Variants in PRKCA observed in about 807,000 individuals in gnomAD.
PRKCA encodes the protein protein kinase C alpha type.
Under a neutral mutation model 87.0 loss-of-function variants are expected in PRKCA, and 27 were observed. That is an observed-to-expected ratio of 0.31 (90% CI 0.23 to 0.43). The LOEUF (loss-of-function observed/expected upper bound fraction) is 0.43, where lower values mean the gene tolerates loss of function less well. Ranked by LOEUF, PRKCA falls within the 20% of genes least tolerant of loss-of-function variation. The pLI is 1.00. For missense variants in PRKCA, 518 were observed against 852.3 expected (o/e 0.61, Z 4.88); for synonymous variants, 329 against 311.1 (o/e 1.06, Z -0.61).
chr17:66,780,900 G>T lies in PRKCA; in HGVS notation c.1606-5967G>T, dbSNP rs1975191819. 2.0e-5 allele frequency among the ~76,000 whole-genome samples: 3 copies of T among 151,670 alleles called. No homozygotes were observed. In the South Asian group the frequency reaches 6.3e-4, roughly 32 times the overall value. On this transcript the variant is annotated intron_variant, in intron 14 of 16. Coordinates refer to ENST00000413366, the MANE Select transcript of PRKCA (RefSeq NM_002737.3). ...AGGCGGGCAGATCACTTGAGGTCAG[G>T]AGTTCAAGACCAGCCTGGTCAACAT...
intron 2 of PRKCA, among the ~76,000 whole-genome samples, chr17:66,406,111 C>T (rs954847324): frequency 6.6e-6 from 1 of 152,130 alleles, no homozygotes; most frequent in Non-Finnish European, 1.5e-5. Context: ...AGAATGATTG[C>T]CAGTTTCCAA....
chr17:66,399,225 A>G (rs1234424160), intron 2 of PRKCA, among the ~76,000 whole-genome samples: 1 of 151,362 alleles, frequency 6.6e-6, no homozygotes, highest in Admixed American at 6.6e-5. Context: ...CAGCCTTCCA[A>G]GTAGTGGGAC....
intron 2 of PRKCA, among the ~76,000 whole-genome samples, chr17:66,488,513 C>A (rs1325964516): frequency 6.6e-6 from 1 of 152,182 alleles, no homozygotes; most frequent in Non-Finnish European, 1.5e-5. Flanking sequence ...TGGGGCCGTT[C>A]TTGACTCGCC....
At chr17:66,402,662 C>T (rs1256756975) in intron 2 of PRKCA, among the ~76,000 whole-genome samples, 1 of 152,056 alleles carries the variant, frequency 6.6e-6, no homozygotes, top group African/African-American at 2.4e-5. Context: ...CTCTGGGTGA[C>T]ACCAGCAATA....
intron 3 of PRKCA, among the ~76,000 whole-genome samples, chr17:66,503,281 G>A (rs1196476201): frequency 6.6e-6 from 1 of 152,122 alleles, no homozygotes; most frequent in African/African-American, 2.4e-5. Context: ...TATTTTGCAC[G>A]TTTTATGTTT....
intron 3 of PRKCA, among the ~76,000 whole-genome samples, chr17:66,545,167 G>A (rs1195096325): frequency 4.6e-5 from 7 of 152,168 alleles, no homozygotes; most frequent in East Asian, 1.9e-4. Flanking sequence ...AGTGAATCAC[G>A]CCTGTAATCC....
intron 3 of PRKCA, among the ~76,000 whole-genome samples, chr17:66,596,374 C>T (rs911324281): frequency 1.3e-5 from 2 of 151,916 alleles, no homozygotes; most frequent in Non-Finnish European, 2.9e-5. Flanking sequence ...TTTTCCTTTG[C>T]CCCCCTGCCT....
At chr17:66,498,131 CT>C (rs1203287361) in intron 3 of PRKCA, among the ~76,000 whole-genome samples, 5 of 152,068 alleles carry the variant, frequency 3.3e-5, no homozygotes, top group African/African-American at 1.2e-4. Flanking sequence ...GCCCTCCCCC[CT>C]GCTCCCCGCC....
intron 4 of PRKCA, among the ~76,000 whole-genome samples, chr17:66,643,294 C>T (rs1341642722): frequency 6.6e-6 from 1 of 152,136 alleles, no homozygotes. Context: ...CCGTTAGACA[C>T]GGTTCCTGTT....
intron 3 of PRKCA, among the ~76,000 whole-genome samples, chr17:66,501,943 T>C (rs1050264201): frequency 9.9e-5 from 15 of 152,144 alleles, no homozygotes; most frequent in Admixed American, 3.3e-4. Context: ...CTGGCCATGA[T>C]GGGGTGGGGC....
At chr17:66,715,225 T>C (rs1973444383) in intron 8 of PRKCA, among the ~76,000 whole-genome samples, 1 of 152,044 alleles carries the variant, frequency 6.6e-6, no homozygotes, top group African/African-American at 2.4e-5. Context: ...GGAACCTTCT[T>C]CCTTGGGGAA....
chr17:66,504,687 G>A (rs1450447453), intron 3 of PRKCA, among the ~76,000 whole-genome samples: 1 of 152,190 alleles, frequency 6.6e-6, no homozygotes, highest in African/African-American at 2.4e-5. Context: ...GAGCCAGCCT[G>A]CATCTAATGG....
At chr17:66,693,112 A>G (rs185911055) in intron 8 of PRKCA, among the ~76,000 whole-genome samples, 88 of 152,342 alleles carry the variant, frequency 5.8e-4, no homozygotes, top group African/African-American at 2.0e-3. Context: ...AGTTTTTGCA[A>G]TTTAAATGGT....
intron 2 of PRKCA, among the ~76,000 whole-genome samples, chr17:66,311,148 A>G (rs1346659589): frequency 1.3e-5 from 2 of 152,170 alleles, no homozygotes; most frequent in Non-Finnish European, 2.9e-5. Context: ...TTAATTAGAG[A>G]TAAACTCTTG....
At chr17:66,546,064 T>C (rs1968136564) in intron 3 of PRKCA, among the ~76,000 whole-genome samples, 1 of 152,260 alleles carries the variant, frequency 6.6e-6, no homozygotes, top group South Asian at 2.1e-4. Flanking sequence ...GAGTTTCATA[T>C]AGACAGTATC....
chr17:66,747,204 G>A (rs965252997), intron 13 of PRKCA, among the ~76,000 whole-genome samples: 2 of 152,054 alleles, frequency 1.3e-5, no homozygotes, highest in Admixed American at 6.5e-5. Flanking sequence ...TGGGTAACTG[G>A]GACTACAGGC....
chr17:66,691,023 TACGAGAATCACTTGAACCTGGGC>T (rs1332215218), intron 8 of PRKCA, among the ~76,000 whole-genome samples: 10 of 150,670 alleles, frequency 6.6e-5, no homozygotes, highest in Admixed American at 3.3e-4. Context: ...TAATCCTAGC[TACGAGAATCACTTGAACCTGGGC>T]ACGAGAATCA....
intron 5 of PRKCA, among the ~76,000 whole-genome samples, chr17:66,648,479 A>G: frequency 6.6e-6 from 1 of 152,228 alleles, no homozygotes; most frequent in East Asian, 1.9e-4. Context: ...ACCCAGAGTC[A>G]CACAGATGGT....
chr17:66,756,263 TG>T (rs981386491), intron 13 of PRKCA, among the ~76,000 whole-genome samples: 2 of 152,164 alleles, frequency 1.3e-5, no homozygotes, highest in Non-Finnish European at 2.9e-5. Flanking sequence ...CTTAATCTCC[TG>T]GGGTTTTATC....
Sources: allele counts gnomAD v4.1 joint callset (sites outside exome capture counted in the v4.1 genomes callset), GRCh38; gene constraint gnomAD v4.1.1; transcripts MANE v1.5; gene names NCBI Gene and HGNC (gene_info 2026-07-23, HGNC 2026-07-21).